The following TNS3 variants were observed in gnomAD, a reference collection of about 807,000 sequenced individuals.
TNS3 encodes tensin 3.
Under a neutral mutation model 140.9 loss-of-function variants are expected in TNS3, and 45 were observed. The observed-to-expected ratio is 0.32, with a 90% CI of 0.25 to 0.41. The LOEUF (loss-of-function observed/expected upper bound fraction) is 0.41, where lower values mean the gene tolerates loss of function less well. TNS3 is among the 10% of genes least tolerant of loss of function. The pLI is 1.00. For missense variants in TNS3, 1,716 were observed against 1,906.7 expected (o/e 0.90, Z 1.86); for synonymous variants, 815 against 788.4 (o/e 1.03, Z -0.56).
intron 4 of TNS3, among the ~76,000 whole-genome samples, chr7:47,451,767 G>A (rs1796027633): frequency 6.6e-6 from 1 of 152,218 alleles, no homozygotes; most frequent in African/African-American, 2.4e-5. Flanking sequence ...AGCAAATGGA[G>A]AAGAAATAAA....
intron 13 of TNS3, among the ~76,000 whole-genome samples, chr7:47,409,635 G>A (rs766683702): frequency 1.1e-4 from 17 of 151,704 alleles, no homozygotes; most frequent in Admixed American, 2.0e-4. Context: ...TACCAGCATC[G>A]CCCCCAGCCT....
intron 16 of TNS3, among the ~76,000 whole-genome samples, chr7:47,384,570 CTT>C (rs1471923844): frequency 6.6e-6 from 1 of 152,228 alleles, no homozygotes; most frequent in Non-Finnish European, 1.5e-5. Context: ...TTTGGTTTGA[CTT>C]TAGAATTTCT....
intron 21 of TNS3, among the ~76,000 whole-genome samples, chr7:47,304,213 AC>A (rs1242534900): frequency 2.6e-5 from 4 of 152,204 alleles, no homozygotes; most frequent in Non-Finnish European, 5.9e-5. Context: ...AACGGATACC[AC>A]AAAGACTACT....
chr7:47,400,862 C>T lies in TNS3; in HGVS notation c.776G>A (p.Arg259His), dbSNP rs770352859. The T allele has an allele frequency of 6.2e-6, 10 of 1,614,218 alleles. 1 individual carries two copies. The East Asian group carries it at 1.1e-4, about 18-fold the overall frequency. The change falls in exon 14 of 31, where the codon CGC (arginine) becomes CAC (histidine). Residue 259 changes from arginine to histidine, a missense_variant. This residue lies in a region of TNS3 where 337 missense variants were observed against 428.9 expected (regional missense o/e 0.79). Transcript: ENST00000311160. ...CACAGCCCCAGTGTGAAACTGCAGGCGGAAAATGACGTCACGGGTGGCCGA... is the reference window on the plus strand; with the variant it reads ...CACAGCCCCAGTGTGAAACTGCAGGTGGAAAATGACGTCACGGGTGGCCGA... ...YRSATRDVIF[R>H]LQFHTGAVQG...
intron 2 of TNS3, among the ~76,000 whole-genome samples, chr7:47,517,552 C>T (rs900627561): frequency 1.3e-5 from 2 of 152,212 alleles, no homozygotes; most frequent in Non-Finnish European, 2.9e-5. Flanking sequence ...TTATTCCCTC[C>T]TTAATTCCAC....
intron 3 of TNS3, among the ~76,000 whole-genome samples, chr7:47,490,212 C>T (rs1797760264): frequency 6.6e-6 from 1 of 152,200 alleles, no homozygotes; most frequent in Non-Finnish European, 1.5e-5. Context: ...GGTCCCAACT[C>T]ATGCATTCCT....
At chr7:47,535,085 C>T (rs1799553523) in intron 1 of TNS3, among the ~76,000 whole-genome samples, 1 of 152,230 alleles carries the variant, frequency 6.6e-6, no homozygotes, top group African/African-American at 2.4e-5. Flanking sequence ...CTCTCCTGTG[C>T]TATATTGCAA....
At chr7:47,483,247 G>T (rs1428272315) in intron 3 of TNS3, among the ~76,000 whole-genome samples, 1 of 150,894 alleles carries the variant, frequency 6.6e-6, no homozygotes, top group Non-Finnish European at 1.5e-5. Context: ...TTGGCTCACT[G>T]CAAGCTCCGC....
At chr7:47,409,551 C>T (rs1793644508) in intron 13 of TNS3, among the ~76,000 whole-genome samples, 1 of 152,204 alleles carries the variant, frequency 6.6e-6, no homozygotes, top group South Asian at 2.1e-4. Flanking sequence ...GTTCAGGGAG[C>T]ACCCGCCCTT....
chr7:47,348,881 C>T (rs1391876017), intron 17 of TNS3, among the ~76,000 whole-genome samples: 1 of 152,236 alleles, frequency 6.6e-6, no homozygotes, highest in East Asian at 1.9e-4. Flanking sequence ...CAGGTCGTAA[C>T]AGGGTCCGAA....
chr7:47,564,635 C>CAAAAAAAAAAAAAAAAAAAAA (rs749603752), intron 1 of TNS3, among the ~76,000 whole-genome samples: 1 of 30,220 alleles, frequency 3.3e-5, no homozygotes. Context: ...GACTCCGTCT[C>CAAAAAAAAAAAAAAAAAAAAA]AAAAAAAAAA....
intron 1 of TNS3, among the ~76,000 whole-genome samples, chr7:47,550,361 C>T (rs1003567971): frequency 1.3e-5 from 2 of 152,302 alleles, no homozygotes; most frequent in Admixed American, 1.3e-4. Flanking sequence ...CAGCCCTTTG[C>T]AAAAGATAAA....
chr7:47,354,387 A>C (rs1789866011), intron 17 of TNS3, among the ~76,000 whole-genome samples: 1 of 151,932 alleles, frequency 6.6e-6, no homozygotes, highest in Admixed American at 6.6e-5. Flanking sequence ...TCTCAGAAAA[A>C]CCAAGGAGAA....
chr7:47,347,433 A>C (rs1789408266), intron 17 of TNS3, among the ~76,000 whole-genome samples: 1 of 152,164 alleles, frequency 6.6e-6, no homozygotes. Flanking sequence ...AGAAGGTTCC[A>C]CAGAGAGCGA....
intron 5 of TNS3, 101 bp downstream of exon 5, chr7:47,441,902 T>G: frequency 1.1e-6 from 1 of 876,812 alleles, no homozygotes; most frequent in South Asian, 1.4e-5. Context: ...GCAGAAATTA[T>G]GATTTCTACA....
chr7:47,392,289 T>C (rs146997125), intron 16 of TNS3, among the ~76,000 whole-genome samples: 24 of 152,244 alleles, frequency 1.6e-4, no homozygotes, highest in Middle Eastern at 3.4e-3. Flanking sequence ...CTTGCCCACA[T>C]TGGAACGGAT....
At chr7:47,409,828 T>A (rs1240975465) in intron 13 of TNS3, among the ~76,000 whole-genome samples, 1 of 152,134 alleles carries the variant, frequency 6.6e-6, no homozygotes, top group Non-Finnish European at 1.5e-5. Flanking sequence ...CAGCTTATTT[T>A]TTGTATTTTT....
intron 17 of TNS3, among the ~76,000 whole-genome samples, chr7:47,351,734 C>T (rs949359034): frequency 2.0e-5 from 3 of 152,106 alleles, no homozygotes; most frequent in Non-Finnish European, 2.9e-5. Flanking sequence ...CAAGAAAGAA[C>T]CAAGGAAGGC....
intron 2 of TNS3, among the ~76,000 whole-genome samples, chr7:47,507,471 G>A (rs1256571222): frequency 3.3e-5 from 5 of 152,238 alleles, no homozygotes; most frequent in African/African-American, 4.8e-5. Context: ...TCTGGATTTC[G>A]GAAGTGCTTC....
Sources: gnomAD v4.1 joint callset for allele counts (sites outside exome capture counted in the v4.1 genomes callset) on GRCh38, gnomAD v4.1.1 for gene constraint, gnomAD v4.1.1 regional missense constraint, MANE v1.5 for transcripts, NCBI Gene and HGNC (gene_info 2026-07-23, HGNC 2026-07-21) for gene names.